TAF1: variants seen among roughly 807,000 people sequenced by gnomAD.
The protein encoded by TAF1 is transcription initiation factor TFIID subunit 1.
Under a neutral mutation model 138.5 loss-of-function variants are expected in TAF1, and 2 were observed. The observed-to-expected ratio is 0.01, with a 90% CI of 0.01 to 0.05. The LOEUF (loss-of-function observed/expected upper bound fraction) is 0.05. Among genes scored for constraint, TAF1 ranks in the 10% least tolerant of loss-of-function variants. TAF1 has a pLI of 1.00. For missense variants in TAF1, 709 were observed against 1,478.0 expected (o/e 0.48, Z 8.53); for synonymous variants, 437 against 503.2 (o/e 0.87, Z 1.76).
chrX:71,454,706 A>G, intron 33 of TAF1, 35 bp from the exon 34 acceptor site: 1 of 1,149,464 alleles, frequency 8.7e-7, no homozygotes, highest in African/African-American at 1.8e-5. Context: ...TACTTAAAAT[A>G]CATGTTGAAT....
In TAF1 at chrX:71,499,808, C is replaced by T. The variant is rs1220580553; in HGVS notation, c.1367-28734C>T. On this transcript the variant is annotated intron_variant and NMD_transcript_variant, in intron 13 of 14. Coordinates refer to the TAF1 transcript ENST00000373775. ...AGCTCTCGGGCTGCAGCTAAAGCCACATTCTTTTCATTAAAGGCCAGGGTT... is the reference window on the plus strand; with the variant it reads ...AGCTCTCGGGCTGCAGCTAAAGCCATATTCTTTTCATTAAAGGCCAGGGTT... Among the ~76,000 whole-genome samples the T allele has an allele frequency of 9.0e-5, 10 of 111,645 alleles. No individual in the cohort carries two copies. In the Admixed American group the frequency reaches 9.5e-4, roughly 11 times the overall value.
intron 8 of TAF1, among the ~76,000 whole-genome samples, chrX:71,381,013 A>C (rs1332394844): frequency 4.5e-5 from 5 of 111,857 alleles, no homozygotes; most frequent in African/African-American, 1.6e-4. Flanking sequence ...GATTTTTAAA[A>C]CCTAAGAAAT....
intron 25 of TAF1, among the ~76,000 whole-genome samples, chrX:71,403,584 TC>T (rs2035295885): frequency 8.9e-6 from 1 of 111,905 alleles, no homozygotes; most frequent in Admixed American, 9.5e-5. Context: ...ATATGTTTTT[TC>T]TTTATAATTA....
At chrX:71,366,597 G>A (rs912649915) in intron 1 of TAF1, 103 bp downstream of exon 1, 1 of 847,862 alleles carries the variant, frequency 1.2e-6, no homozygotes, top group East Asian at 3.4e-5. Context: ...AGAACAGGGC[G>A]CAGCTAACGC....
chrX:71,478,124 G>A (rs1037996365), intron 13 of TAF1, among the ~76,000 whole-genome samples: 1 of 111,160 alleles, frequency 9.0e-6, no homozygotes, highest in Non-Finnish European at 1.9e-5. Flanking sequence ...GGCTGAGGCC[G>A]GCAGATCACC....
chrX:71,416,559 C>A, intron 28 of TAF1: 1 of 279,649 alleles, frequency 3.6e-6, no homozygotes, highest in African/African-American at 2.9e-5. Context: ...TAATTTAACT[C>A]TGGTAGGAAA....
intron 13 of TAF1, among the ~76,000 whole-genome samples, chrX:71,477,056 A>AG (rs1416167378): frequency 1.8e-5 from 2 of 108,679 alleles, no homozygotes; most frequent in Non-Finnish European, 3.8e-5. Context: ...CTCCTGTCTC[A>AG]GCCTCCCGAG....
intron 13 of TAF1, among the ~76,000 whole-genome samples, chrX:71,494,394 G>A (rs2039356504): frequency 9.0e-6 from 1 of 111,391 alleles, no homozygotes; most frequent in Non-Finnish European, 1.9e-5. Context: ...CTGCACTCCA[G>A]CCTGGGCAAC....
chrX:71,486,626 C>T (rs752299313), intron 13 of TAF1, among the ~76,000 whole-genome samples: 89 of 109,094 alleles, frequency 8.2e-4, no homozygotes, highest in African/African-American at 2.7e-3. Flanking sequence ...CTGGGATTAC[C>T]GGCGTGAGCC....
intron 19 of TAF1, 36 bp downstream of exon 19, chrX:71,392,754 A>G: frequency 8.4e-7 from 1 of 1,189,946 alleles, no homozygotes; most frequent in Non-Finnish European, 1.1e-6. Flanking sequence ...GAAAAAGTCA[A>G]GGGAGAAAGA....
intron 13 of TAF1, among the ~76,000 whole-genome samples, chrX:71,514,627 A>C (rs1036670982): frequency 2.7e-5 from 3 of 111,236 alleles, no homozygotes; most frequent in African/African-American, 9.8e-5. Context: ...GTGTGGCTGA[A>C]GTGCAACAGA....
intron 34 of TAF1, among the ~76,000 whole-genome samples, chrX:71,456,012 T>A (rs2038263960): frequency 8.9e-6 from 1 of 111,909 alleles, no homozygotes; most frequent in African/African-American, 3.3e-5. Flanking sequence ...AAGGAAAGGC[T>A]CTTGGAGTGT....
chrX:71,495,681 C>T (rs755635970), intron 13 of TAF1, among the ~76,000 whole-genome samples: 1 of 111,494 alleles, frequency 9.0e-6, no homozygotes, highest in Non-Finnish European at 1.9e-5. Flanking sequence ...TTCTTGTAAG[C>T]TGTCTGAGAA....
intron 32 of TAF1, among the ~76,000 whole-genome samples, chrX:71,427,710 A>C (rs749980149): frequency 3.6e-5 from 4 of 111,504 alleles, no homozygotes; most frequent in Non-Finnish European, 7.5e-5. Flanking sequence ...AGGCTGAGGC[A>C]GATAGATCAC....
At chrX:71,375,665 C>G (rs1366969724) in intron 4 of TAF1, among the ~76,000 whole-genome samples, 1 of 111,673 alleles carries the variant, frequency 9.0e-6, no homozygotes, top group Admixed American at 9.5e-5. Flanking sequence ...AAGAGTCTTG[C>G]TGTGTTGTGC....
At chrX:71,386,217 A>G (rs879209735) in intron 14 of TAF1, among the ~76,000 whole-genome samples, 2 of 109,897 alleles carry the variant, frequency 1.8e-5, no homozygotes, top group Admixed American at 1.9e-4. Flanking sequence ...TTTTCTGCCT[A>G]TATTTCACAT....
At position 71,458,144 on chromosome X, in the gene TAF1, C is replaced by T. The variant is rs2148832318; in HGVS notation, c.4939-97C>T. ...GTTTCTCTTTAACTGAATTGCTCTG[C>T]ATGATCTTTTTCTCCAGTAAATGCC... is the stretch of plus-strand genomic sequence containing the variant. On this transcript the variant is annotated intron_variant, in intron 34 of 37. Coordinates refer to ENST00000423759, the MANE Select transcript of TAF1 (RefSeq NM_004606.5). 2.9e-6 allele frequency: 3 copies of T among 1,051,797 alleles called. No individual in the cohort carries two copies. In the East Asian group the frequency reaches 9.4e-5, roughly 33 times the overall value. The allele number at this position is 1,051,797 out of a possible 1,213,427, so 86.7% of individuals were successfully genotyped here.
At chrX:71,434,106 C>G (rs914361279) in intron 32 of TAF1, among the ~76,000 whole-genome samples, 1 of 112,038 alleles carries the variant, frequency 8.9e-6, no homozygotes, top group Non-Finnish European at 1.9e-5. Context: ...CAGCGGCTCA[C>G]TCCTGTAATC....
chrX:71,396,243 G>A (rs962508244), intron 22 of TAF1, among the ~76,000 whole-genome samples: 24 of 108,437 alleles, frequency 2.2e-4, no homozygotes, highest in Admixed American at 1.8e-3. Flanking sequence ...TTTAAGACTC[G>A]GAACTTGTTT....
Sources: allele counts gnomAD v4.1 joint callset (sites outside exome capture counted in the v4.1 genomes callset), GRCh38; gene constraint gnomAD v4.1.1; transcripts MANE v1.5; gene names NCBI Gene and HGNC (gene_info 2026-07-23, HGNC 2026-07-21).